Variants in OTULIN observed in about 807,000 individuals in gnomAD.
OTULIN encodes OTU deubiquitinase with linear linkage specificity.
In OTULIN, 15 loss-of-function variants were observed where a neutral mutation model predicts 39.6. The observed-to-expected ratio is 0.38, with a 90% CI of 0.25 to 0.58. The LOEUF (loss-of-function observed/expected upper bound fraction) is 0.58, where lower values mean the gene tolerates loss of function less well. Among genes scored for constraint, OTULIN ranks in the 20% least tolerant of loss-of-function variants. The probability of loss-of-function intolerance (pLI) is 0.66; values close to 1 mark genes in which losing one functional copy is unlikely to be tolerated. For synonymous variants in OTULIN, 156 were observed against 170.3 expected (o/e 0.92, Z 0.65); for missense variants, 319 against 445.9 (o/e 0.72, Z 2.56).
At position 14,679,307 on chromosome 5, in the gene OTULIN, T is replaced by G. The variant is rs1736186040; in HGVS notation, c.324+532T>G. Among the ~76,000 whole-genome samples, 2 of 152,160 alleles carry G rather than the reference T, an allele frequency of 1.3e-5. 1 individual carries two copies. Among genetic ancestry groups the G allele is most frequent in the Admixed American group, 1.3e-4 (2 of 15,284 alleles). ...ATGATGTGGTCCTGCTGTGACTGTT[T>G]GGTCCGGTTCATTACTCAGCTCAGA... On this transcript the variant is annotated intron_variant, in intron 3 of 6. Coordinates refer to ENST00000284274, the MANE Select transcript of OTULIN (RefSeq NM_138348.6).
chr5:14,665,172 C>G (rs1401110902), intron 1 of OTULIN, among the ~76,000 whole-genome samples, 195 bp downstream of exon 1: 15 of 152,242 alleles, frequency 9.9e-5, no homozygotes, highest in Admixed American at 7.2e-4. Context: ...CAGGGCCCCT[C>G]ACAATTCTGG....
chr5:14,693,111 G>A lies in OTULIN; in HGVS notation c.*63G>A. The A allele has an allele frequency of 6.7e-7, 1 of 1,487,916 alleles. No homozygotes were observed. The highest frequency in any genetic ancestry group is 2.5e-5 in the East Asian group (1 of 40,224). The allele number at this position is 1,487,916 out of a possible 1,614,324, so 92.2% of individuals were successfully genotyped here. On this transcript the variant is annotated 3_prime_UTR_variant, in exon 7 of 7. Transcript: ENST00000284274. ...GATGCACAGGTGGCTCCTGGGCTTG[G>A]GCTGCAGGTTTGGGGGTCTCTAAGA...
chr5:14,681,151 C>G (rs1736238913), intron 3 of OTULIN, among the ~76,000 whole-genome samples: 2 of 152,182 alleles, frequency 1.3e-5, no homozygotes, highest in Admixed American at 1.3e-4. Context: ...CCCCGCCCCC[C>G]TTTGTGTTTT....
the OTULIN span, chr5:14,709,644 G>A: frequency 6.6e-6 from 1 of 152,334 alleles, no homozygotes; most frequent in Non-Finnish European, 1.5e-5. Context: ...TCCTACTCCA[G>A]TGACCCATTT....
intron 2 of OTULIN, among the ~76,000 whole-genome samples, chr5:14,674,377 C>T (rs936185224): frequency 3.3e-5 from 5 of 152,302 alleles, no homozygotes; most frequent in South Asian, 2.1e-4. Context: ...TGGGATATCC[C>T]GTGAATAATC....
the OTULIN span, chr5:14,710,964 G>GTTGT: frequency 1.9e-6 from 1 of 521,008 alleles, no homozygotes; most frequent in East Asian, 3.7e-5. Context: ...TATGAAGTCA[G>GTTGT]TTGTTTCGTT....
Position 14,690,352 on chromosome 5 carries a change from C to T in OTULIN, c.864+44C>T. 1 of 1,585,630 alleles carries T rather than the reference C, an allele frequency of 6.3e-7. No individual in the cohort carries two copies. The highest frequency in any genetic ancestry group is 8.6e-7 in the Non-Finnish European group (1 of 1,166,692). On this transcript the variant is annotated intron_variant, in intron 6 of 6. Transcript: ENST00000284274. The surrounding 1 kb of genome is among the most constrained non-coding windows in gnomAD (Gnocchi z 4.5). ...CATGTATTACCCCAAAATAAAGCAGCTTTACTGATCAAACTTGATGTCACA... is the reference window on the plus strand; with the variant it reads ...CATGTATTACCCCAAAATAAAGCAGTTTTACTGATCAAACTTGATGTCACA...
chr5:14,680,113 T>G (rs1421354906), intron 3 of OTULIN, among the ~76,000 whole-genome samples: 2 of 152,238 alleles, frequency 1.3e-5, no homozygotes, highest in Non-Finnish European at 2.9e-5. Flanking sequence ...ATAGCCTGAG[T>G]AATTTATGCA....
At chr5:14,709,899 ATATT>A in the OTULIN span, 1 of 152,616 alleles carries the variant, frequency 6.6e-6, no homozygotes, top group African/African-American at 2.4e-5. Flanking sequence ...TATACAGCAT[ATATT>A]TATATCTTTA....
the OTULIN span, among the ~76,000 whole-genome samples, chr5:14,716,360 G>A: frequency 6.6e-6 from 1 of 152,182 alleles, no homozygotes; most frequent in African/African-American, 2.4e-5. Context: ...GGGTATGGTG[G>A]TGGGTGCCTG....
intron 2 of OTULIN, chr5:14,674,124 G>A (rs1403814907): frequency 6.2e-6 from 1 of 160,118 alleles, no homozygotes; most frequent in Non-Finnish European, 1.4e-5. Context: ...ATGTGATTAA[G>A]TAATAAGAAA....
rs189738566 is a variant in OTULIN at position 14,687,511 on chromosome 5, G to C, written c.469-10G>C. Reference sequence around the variant, plus strand: ...ACACTTCTTTATCTCTTTGTTTCTCGATGTTGTAGTTACCAGAAAAACTCA... The same window carrying C: ...ACACTTCTTTATCTCTTTGTTTCTCCATGTTGTAGTTACCAGAAAAACTCA... On this transcript the variant is annotated splice_polypyrimidine_tract_variant and intron_variant, in intron 4 of 6. Coordinates refer to ENST00000284274, the MANE Select transcript of OTULIN (RefSeq NM_138348.6). 133 of 1,608,198 alleles carry C rather than the reference G, an allele frequency of 8.3e-5. 3 individuals are homozygous for C. The South Asian group carries it at 1.4e-3, about 17-fold the overall frequency.
At position 14,687,513 on chromosome 5, in the gene OTULIN, T is replaced by C. The variant is rs1475081679; in HGVS notation, c.469-8T>C. 5 of 1,611,576 alleles carry C rather than the reference T, an allele frequency of 3.1e-6. No individual in the cohort carries two copies. The highest frequency in any genetic ancestry group is 1.1e-5 in the South Asian group (1 of 90,468). On this transcript the variant is annotated splice_polypyrimidine_tract_variant and splice_region_variant and intron_variant, in intron 4 of 6. Transcript: ENST00000284274. ...ACTTCTTTATCTCTTTGTTTCTCGA[T>C]GTTGTAGTTACCAGAAAAACTCATA...
At chr5:14,711,549 C>T in the OTULIN span, among the ~76,000 whole-genome samples, 2 of 152,178 alleles carry the variant, frequency 1.3e-5, no homozygotes, top group East Asian at 1.9e-4. Context: ...CGGAGGACAC[C>T]ATGTCCCACT....
Position 14,692,974 on chromosome 5 carries a change from G to T in OTULIN, c.985G>T (p.Val329Leu). Residue 329 changes from valine (V) to leucine (L), a missense_variant, in exon 7 of 7, where the codon GTG becomes TTG. Around this residue, in one of 4 missense-constraint regions of OTULIN, gnomAD observed 106 missense variants for 192.8 expected, o/e 0.55. Transcript: ENST00000284274. ...CACCGACCCACCCAAGGACTGGCCA[G>T]TGGTAACGCTCATTGCTGAGGACGA... The part of the protein sequence containing the change: ...YPTDPPKDWP[V>L]VTLIAEDDRH... The T allele has an allele frequency of 6.2e-7, 1 of 1,614,188 alleles. No individual in the cohort carries two copies. The highest frequency in any genetic ancestry group is 8.5e-7 in the Non-Finnish European group (1 of 1,180,040).
chr5:14,713,680 G>A, the OTULIN span: 3 of 1,613,526 alleles, frequency 1.9e-6, no homozygotes, highest in East Asian at 2.2e-5. The surrounding 1 kb of genome is among the most constrained non-coding windows in gnomAD (Gnocchi z 4.4). Context: ...GTTGGGAGGA[G>A]CAAAGGACTC....
downstream of OTULIN, among the ~76,000 whole-genome samples, chr5:14,704,158 C>T (rs562006908): frequency 4.0e-5 from 6 of 151,692 alleles, no homozygotes; most frequent in African/African-American, 1.2e-4. Context: ...GGTGAAACCC[C>T]GTCTCTACTA....
downstream of OTULIN, among the ~76,000 whole-genome samples, chr5:14,702,399 G>T (rs771888632): frequency 6.6e-6 from 1 of 152,164 alleles, no homozygotes; most frequent in East Asian, 1.9e-4. Context: ...GGGCATCACC[G>T]CTGTATTTGG....
At chr5:14,713,280 C>T in the OTULIN span, among the ~76,000 whole-genome samples, 3 of 152,144 alleles carry the variant, frequency 2.0e-5, no homozygotes, top group Non-Finnish European at 2.9e-5. The surrounding 1 kb of genome is among the most constrained non-coding windows in gnomAD (Gnocchi z 4.4). Flanking sequence ...GTCCAGCATA[C>T]GTTCAAGCCC....
Sources: allele counts gnomAD v4.1 joint callset (sites outside exome capture counted in the v4.1 genomes callset), GRCh38; gene constraint gnomAD v4.1.1; regional missense constraint gnomAD v4.1.1; non-coding constraint Gnocchi (gnomAD v3.1); transcripts MANE v1.5; gene names NCBI Gene and HGNC (gene_info 2026-07-23, HGNC 2026-07-21).